The following PEX5L variants were observed in gnomAD, a reference collection of about 807,000 sequenced individuals.
PEX5L encodes peroxisomal biogenesis factor 5 like.
A neutral mutation model predicts 84.0 loss-of-function variants in PEX5L; 30 were observed. The observed-to-expected ratio is 0.36, with a 90% CI of 0.27 to 0.48. PEX5L has a LOEUF of 0.48. Among genes scored for constraint, PEX5L ranks in the 20% least tolerant of loss-of-function variants. PEX5L has a pLI of 0.99. For missense variants in PEX5L, 533 were observed against 754.6 expected (o/e 0.71, Z 3.44); for synonymous variants, 270 against 283.1 (o/e 0.95, Z 0.46).
intron 3 of PEX5L, among the ~76,000 whole-genome samples, chr3:179,894,323 T>G (rs535360122): frequency 6.6e-6 from 1 of 152,226 alleles, no homozygotes; most frequent in South Asian, 2.1e-4. Flanking sequence ...TCTGTGATCG[T>G]AACTCTGATG....
intron 2 of PEX5L, among the ~76,000 whole-genome samples, chr3:179,943,815 T>G (rs1158819414): frequency 6.6e-6 from 1 of 152,232 alleles, no homozygotes; most frequent in African/African-American, 2.4e-5. Flanking sequence ...CAATGCTTAA[T>G]TCTACCAATT....
At chr3:179,921,582 G>C (rs1230204937) in intron 2 of PEX5L, 1 of 152,182 alleles carries the variant, frequency 6.6e-6, no homozygotes, top group Non-Finnish European at 1.5e-5. Flanking sequence ...CATCACAAGA[G>C]CTATGAAAGT....
At chr3:180,011,202 T>C (rs574455117) in intron 1 of PEX5L, among the ~76,000 whole-genome samples, 2 of 152,354 alleles carry the variant, frequency 1.3e-5, no homozygotes, top group African/African-American at 2.4e-5. Flanking sequence ...CAGTGTATTA[T>C]TGAAATCCAA....
intron 7 of PEX5L, among the ~76,000 whole-genome samples, chr3:179,860,070 A>C (rs573111620): frequency 1.4e-4 from 21 of 152,316 alleles, no homozygotes; most frequent in Admixed American, 5.9e-4. Context: ...AAGGCATGCA[A>C]TTCTTCAATG....
In PEX5L at chr3:179,898,241, T is replaced by C; in HGVS notation, c.99A>G (p.Lys33=). The change falls in exon 3 of 15, where the codon AAA becomes AAG. Residue 33 remains lysine (K), a synonymous_variant. Transcript: ENST00000467460. Reference sequence around the variant, plus strand: ...CAGCCTTATCTGCCGCCCTAGAGCCTTTTCCCTATAACAGTGAAATCAACA... The same window carrying C: ...CAGCCTTATCTGCCGCCCTAGAGCCCTTTCCCTATAACAGTGAAATCAACA... The part of the protein sequence containing the change: ...LEIIVDQKQG[K]GSRAADKAVA... The C allele has an allele frequency of 6.2e-7, 1 of 1,605,624 alleles. No individual in the cohort carries two copies. The highest frequency in any genetic ancestry group is 8.5e-7 in the Non-Finnish European group (1 of 1,172,704).
At chr3:179,899,128 G>A (rs952950927) in intron 2 of PEX5L, among the ~76,000 whole-genome samples, 1 of 151,972 alleles carries the variant, frequency 6.6e-6, no homozygotes, top group African/African-American at 2.4e-5. Context: ...GGATATGGTG[G>A]CTTTCTGTTA....
chr3:179,988,470 A>T (rs529569225), intron 1 of PEX5L, among the ~76,000 whole-genome samples: 1 of 152,024 alleles, frequency 6.6e-6, no homozygotes, highest in Non-Finnish European at 1.5e-5. Flanking sequence ...CAAGAAGCTA[A>T]CCCTGATAAA....
In PEX5L at chr3:179,900,783, T is replaced by C. The variant is rs1268357435; in HGVS notation, c.94-2537A>G. The C allele has an allele frequency of 3.0e-6, 4 of 1,333,580 alleles. No individual in the cohort carries two copies. The East Asian group carries it at 7.5e-5, about 25-fold the overall frequency. 82.6% of individuals were successfully genotyped at this position (1,333,580 alleles called of 1,614,324 possible). ...CATGTTAGTGCCTGCTAGCAACTTT[T>C]TTCTTTACAGCCTTTTTTGGCTTTT... is the stretch of plus-strand genomic sequence containing the variant. On this transcript the variant is annotated intron_variant, in intron 2 of 14. Transcript: ENST00000467460.
intron 2 of PEX5L, among the ~76,000 whole-genome samples, chr3:179,936,247 G>C (rs1774568580): frequency 6.6e-6 from 1 of 152,100 alleles, no homozygotes; most frequent in African/African-American, 2.4e-5. Context: ...TTATTTTCAA[G>C]GGTTCTGGAA....
chr3:179,878,482 T>C (rs1004133020), intron 5 of PEX5L, among the ~76,000 whole-genome samples: 1 of 152,360 alleles, frequency 6.6e-6, no homozygotes, highest in East Asian at 1.9e-4. Context: ...AGGATTCCTA[T>C]GATCTCACCA....
rs143030598 is a variant in PEX5L at position 179,984,333 on chromosome 3, T to C, written c.22-12668A>G. ...AGAGATTTGCAAAAATATAAAACAA[T>C]GTCATACATCTCACTAAAATTTTTT... is the stretch of plus-strand genomic sequence containing the variant. On this transcript the variant is annotated intron_variant, in intron 1 of 14. Transcript: ENST00000467460. Among the ~76,000 whole-genome samples the C allele has an allele frequency of 9.3e-3, 1,423 of 152,216 alleles. 10 individuals carry two copies. The highest frequency in any genetic ancestry group is 0.02 in the South Asian group (98 of 4,828).
chr3:179,953,442 T>C (rs1779651203), intron 2 of PEX5L, among the ~76,000 whole-genome samples: 1 of 152,204 alleles, frequency 6.6e-6, no homozygotes, highest in South Asian at 2.1e-4. Context: ...GCGAAGGATA[T>C]GAACAGACAC....
chr3:180,025,177 G>A (rs1790834604), intron 1 of PEX5L, among the ~76,000 whole-genome samples: 1 of 152,158 alleles, frequency 6.6e-6, no homozygotes, highest in South Asian at 2.1e-4. Context: ...CACTTGATAT[G>A]CATTTGTTTC....
chr3:180,017,276 T>G (rs1031454768), intron 1 of PEX5L, among the ~76,000 whole-genome samples: 7 of 152,328 alleles, frequency 4.6e-5, no homozygotes, highest in African/African-American at 1.7e-4. Context: ...CTCTCTGCTG[T>G]TTTGGGAAAG....
At chr3:179,842,722 C>A (rs1289466186) in intron 8 of PEX5L, among the ~76,000 whole-genome samples, 1 of 152,004 alleles carries the variant, frequency 6.6e-6, no homozygotes, top group South Asian at 2.1e-4. Flanking sequence ...AAGGAAAGCA[C>A]CATCAACAGC....
In PEX5L at chr3:179,808,291, G is replaced by A; in HGVS notation, c.1499C>T (p.Ala500Val). 6.3e-7 allele frequency: 1 copy of A among 1,589,702 alleles called. No individual in the cohort carries two copies. The highest frequency in any genetic ancestry group is 8.5e-7 in the Non-Finnish European group (1 of 1,170,524). Reference sequence around the variant, plus strand: ...TCTTACCTCTGGCCGAACAGTTAAGGCAGCGTTAAATGCATCTATTGCTCT... The same window carrying A: ...TCTTACCTCTGGCCGAACAGTTAAGACAGCGTTAAATGCATCTATTGCTCT... ...FNRAIDAFNA[A>V]LTVRPEDYSL... Residue 500 changes from alanine to valine, a missense_variant, in exon 13 of 15, where the codon GCC (alanine) becomes GTC (valine). By Grantham distance (64) the Ala-to-Val change is moderately conservative. Coordinates refer to ENST00000467460, the MANE Select transcript of PEX5L (RefSeq NM_016559.3).
intron 7 of PEX5L, among the ~76,000 whole-genome samples, chr3:179,868,987 C>T (rs1056822315): frequency 3.9e-5 from 6 of 152,256 alleles, no homozygotes; most frequent in East Asian, 1.9e-4. Flanking sequence ...GGTTTTTCAG[C>T]GAACCTTTAG....
intron 1 of PEX5L, among the ~76,000 whole-genome samples, chr3:180,028,783 A>G (rs143311032): frequency 4.0e-4 from 61 of 152,372 alleles, no homozygotes; most frequent in Middle Eastern, 6.8e-3. Flanking sequence ...AAAATTGAAC[A>G]TTAACACCAT....
intron 1 of PEX5L, among the ~76,000 whole-genome samples, chr3:180,010,343 C>T (rs1287679575): frequency 6.8e-6 from 1 of 146,764 alleles, no homozygotes; most frequent in African/African-American, 2.6e-5. Flanking sequence ...CCTGCCTTGG[C>T]CTCCCAAAGT....
Sources: gnomAD v4.1 joint callset for allele counts (sites outside exome capture counted in the v4.1 genomes callset) on GRCh38, gnomAD v4.1.1 for gene constraint, MANE v1.5 for transcripts, NCBI Gene and HGNC (gene_info 2026-07-23, HGNC 2026-07-21) for gene names.